DLG4: variants seen among roughly 807,000 people sequenced by gnomAD.
The protein encoded by DLG4 is discs large MAGUK scaffold protein 4.
DLG4 carries 7 observed loss-of-function variants against 93.8 expected under a neutral mutation model. That is an observed-to-expected ratio of 0.07 (90% confidence interval 0.04 to 0.14). The LOEUF (loss-of-function observed/expected upper bound fraction) is 0.14, where lower values mean the gene tolerates loss of function less well. Among genes scored for constraint, DLG4 ranks in the 10% least tolerant of loss-of-function variants. The pLI is 1.00. For missense variants in DLG4, 545 were observed against 992.9 expected (o/e 0.55, Z 6.06); for synonymous variants, 341 against 387.6 (o/e 0.88, Z 1.41).
rs1442666736 is a variant in DLG4, at chr17:7,190,691, C to T, written c.*17G>A. 3 of 1,610,030 alleles carry T rather than the reference C, an allele frequency of 1.9e-6. No individual in the cohort carries two copies. In the South Asian group the frequency reaches 3.3e-5, roughly 18 times the overall value. On this transcript the variant is annotated 3_prime_UTR_variant, in exon 20 of 20. Coordinates refer to ENST00000399506, the MANE Select transcript of DLG4 (RefSeq NM_001321075.3). ...GTGATGGAGGCAGGGCGAGTCCAGGCCAAGCCAGGGCAGGAATCAGAGTCT... is the reference window on the plus strand; with the variant it reads ...GTGATGGAGGCAGGGCGAGTCCAGGTCAAGCCAGGGCAGGAATCAGAGTCT...
In DLG4 at chr17:7,190,008, C is replaced by A; in HGVS notation, c.*700G>T. On this transcript the variant is annotated 3_prime_UTR_variant, in exon 20 of 20. Transcript: ENST00000399506. ...GGACACCCGACCCCCGACCCCTGCC[C>A]CCCACCCTCCCTCCCGCATTTCCCA... 1 of 136,802 alleles carries A rather than the reference C, an allele frequency of 7.3e-6. No individual in the cohort carries two copies. Among genetic ancestry groups the A allele is most frequent in the South Asian group, 2.5e-4 (1 of 3,986 alleles). 8.5% of individuals were successfully genotyped at this position (136,802 alleles called of 1,614,324 possible). A position where few individuals can be genotyped will look rare whatever the true frequency, so the allele number is the denominator to read the frequency against.
chr17:7,219,719 C>T, upstream of DLG4: 1 of 1,414,704 alleles, frequency 7.1e-7, no homozygotes, highest in Non-Finnish European at 9.2e-7. Flanking sequence ...TCCCATCACC[C>T]CGTCGGAGGA....
intron 8 of DLG4, among the ~76,000 whole-genome samples, chr17:7,202,290 C>G (rs2070180243): frequency 6.6e-6 from 1 of 152,098 alleles, no homozygotes; most frequent in Non-Finnish European, 1.5e-5. Context: ...TCTCAAATCC[C>G]TAGCTGGTCT....
upstream of DLG4, chr17:7,217,848 A>T (rs770277425): frequency 6.5e-7 from 1 of 1,530,070 alleles, no homozygotes. Context: ...AGAAGGAAGC[A>T]TCTATAGTTG....
In DLG4 at chr17:7,204,030, T is replaced by C; in HGVS notation, c.188A>G (p.Tyr63Cys). The change falls in exon 4 of 20, where the codon TAC becomes TGC. Residue 63 changes from tyrosine (Y) to cysteine (C), a missense_variant. Around this residue, in one of 5 missense-constraint regions of DLG4, gnomAD observed 49 missense variants for 80.4 expected, o/e 0.61. Transcript: ENST00000399506. ...QVNGTEGEME[Y>C]EEITLERGNS... ...CACCCTTTCCAATGTGATTTCCTCG[T>C]ATTCCATCTCCCCCTCGGTCCCGTT... 1 of 1,611,558 alleles carries C rather than the reference T, an allele frequency of 6.2e-7. No individual in the cohort carries two copies. The highest frequency in any genetic ancestry group is 8.5e-7 in the Non-Finnish European group (1 of 1,178,932).
chr17:7,190,487 C>A lies in DLG4; in HGVS notation c.*221G>T, dbSNP rs185380227. On this transcript the variant is annotated 3_prime_UTR_variant, in exon 20 of 20. Transcript: ENST00000399506. ...CTCGGAACAAGGAGCCCAGCTCCCC[C>A]CCAGACCCCAGGTTCCTGGCGTTCA... The A allele has an allele frequency of 1.1e-3, 605 of 558,422 alleles. 1 individual carries two copies. The highest frequency in any genetic ancestry group is 3.6e-3 in the East Asian group (119 of 33,432). 34.6% of individuals were successfully genotyped at this position (558,422 alleles called of 1,614,324 possible). A position where few individuals can be genotyped will look rare whatever the true frequency, so the allele number is the denominator to read the frequency against.
At position 7,217,163 on chromosome 17, in the gene DLG4, CGCG is replaced by C; in HGVS notation, c.-19_-17del. The C allele has an allele frequency of 1.6e-6, 2 of 1,287,536 alleles. No individual in the cohort carries two copies. Among genetic ancestry groups the C allele is most frequent in the Non-Finnish European group, 2.0e-6 (2 of 1,013,808 alleles). The allele number at this position is 1,287,536 out of a possible 1,614,324, so 79.8% of individuals were successfully genotyped here. A position where few individuals can be genotyped will look rare whatever the true frequency, so the allele number is the denominator to read the frequency against. ...GACAGTCCATGTTGGGGGGCCTGGC[CGCG>C]GCGGCGGGTAAGGGGCTCTGACTTC... On this transcript the variant is annotated 5_prime_UTR_variant, in exon 1 of 20. Coordinates refer to ENST00000399506, the MANE Select transcript of DLG4 (RefSeq NM_001321075.3).
Position 7,190,817 on chromosome 17 carries a change from G to A in DLG4, c.2069-3C>T, listed in dbSNP as rs2069447872. The A allele has an allele frequency of 6.2e-6, 10 of 1,613,178 alleles. No individual in the cohort carries two copies. Among genetic ancestry groups the A allele is most frequent in the Non-Finnish European group, 8.5e-6 (10 of 1,179,342 alleles). On this transcript the variant is annotated splice_polypyrimidine_tract_variant and splice_region_variant and intron_variant, in intron 19 of 19. Transcript: ENST00000399506. Reference sequence around the variant, plus strand: ...AAAGCTGTCACCCTCCACGATGGCTGGGAGTGGGGTGGAGCAGGGAGTGAG... The same window carrying A: ...AAAGCTGTCACCCTCCACGATGGCTAGGAGTGGGGTGGAGCAGGGAGTGAG...
In DLG4 at chr17:7,203,684, C is replaced by G. The variant is rs766179972; in HGVS notation, c.335+8G>C. 1.2e-6 allele frequency: 2 copies of G among 1,613,972 alleles called. No homozygotes were observed. The highest frequency in any genetic ancestry group is 1.1e-5 in the South Asian group (1 of 91,066). ...CCAAGCAACCTAACCCCTGTCTCCT[C>G]TCCCCACCTGAGGCGGCCATCCTGG... On this transcript the variant is annotated splice_region_variant and intron_variant, in intron 5 of 19. Coordinates refer to ENST00000399506, the MANE Select transcript of DLG4 (RefSeq NM_001321075.3). This position sits in a 1 kb window ranked among gnomAD's most constrained non-coding sequence, Gnocchi z 7.2.
In DLG4 at chr17:7,190,305, G is replaced by A. The variant is rs181496750; in HGVS notation, c.*403C>T. 521 of 248,302 alleles carry A rather than the reference G, an allele frequency of 2.1e-3. 3 individuals carry two copies. Among genetic ancestry groups the A allele is most frequent in the Non-Finnish European group, 2.5e-3 (313 of 124,264 alleles). The allele number at this position is 248,302 out of a possible 1,614,324, so 15.4% of individuals were successfully genotyped here. On this transcript the variant is annotated 3_prime_UTR_variant, in exon 20 of 20. Coordinates refer to ENST00000399506, the MANE Select transcript of DLG4 (RefSeq NM_001321075.3). ...CCCAGACCCTGCCTTAGGAGAGAGC[G>A]GAGGCCTGTGGCCCTGCATCCCTGC...
At chr17:7,212,095 A>G (rs772680194) in intron 1 of DLG4, among the ~76,000 whole-genome samples, 2 of 151,714 alleles carry the variant, frequency 1.3e-5, no homozygotes, top group Non-Finnish European at 2.9e-5. Context: ...CCATTCCAAA[A>G]CCTCACTGGA....
intron 1 of DLG4, among the ~76,000 whole-genome samples, chr17:7,215,427 A>G (rs555703264): frequency 6.6e-6 from 1 of 152,362 alleles, no homozygotes; most frequent in South Asian, 2.1e-4. Context: ...ACGTGTTGGA[A>G]GCAGAGCCCA....
chr17:7,217,672 T>TG (rs371507899), upstream of DLG4: 17,568 of 1,145,596 alleles, frequency 0.015, 96 homozygotes, highest in East Asian at 0.018. Flanking sequence ...GGAGCCAGAA[T>TG]GGGGGGGGTG....
intron 8 of DLG4, among the ~76,000 whole-genome samples, chr17:7,200,620 C>T (rs2070068872): frequency 6.6e-6 from 1 of 151,704 alleles, no homozygotes; most frequent in South Asian, 2.1e-4. Flanking sequence ...GATCTCAGCT[C>T]GCCGCAACCT....
chr17:7,201,950 A>C (rs1274485736), intron 8 of DLG4, among the ~76,000 whole-genome samples: 1 of 152,234 alleles, frequency 6.6e-6, no homozygotes, highest in Non-Finnish European at 1.5e-5. Context: ...ATCATTATAA[A>C]ATGTTTGTTA....
At chr17:7,199,491 G>A (rs955849677) in intron 8 of DLG4, among the ~76,000 whole-genome samples, 5 of 151,906 alleles carry the variant, frequency 3.3e-5, no homozygotes, top group Admixed American at 1.3e-4. Flanking sequence ...ATGAGCCACC[G>A]CGCCCAGCCA....
upstream of DLG4, chr17:7,219,800 A>C: frequency 2.0e-6 from 3 of 1,523,858 alleles, no homozygotes; most frequent in Non-Finnish European, 2.6e-6. Flanking sequence ...GATCCCTCTA[A>C]GTCAGCGGAA....
intron 1 of DLG4, among the ~76,000 whole-genome samples, chr17:7,215,005 C>G (rs2070849328): frequency 1.3e-5 from 2 of 152,162 alleles, no homozygotes; most frequent in African/African-American, 4.8e-5. Flanking sequence ...CACTCCCTAC[C>G]CCATCCAGCA....
rs35868661 is a variant in DLG4 at position 7,190,963 on chromosome 17, C to CTTTTTTTTTT, written c.2069-159_2069-150dup. 119 of 348,538 alleles carry CTTTTTTTTTT rather than the reference C, an allele frequency of 3.4e-4. 4 individuals carry two copies. In the African/African-American group the frequency reaches 3.5e-3, roughly 10 times the overall value. The allele number at this position is 348,538 out of a possible 1,614,324, so 21.6% of individuals were successfully genotyped here. A position where few individuals can be genotyped will look rare whatever the true frequency, so the allele number is the denominator to read the frequency against. The stretch of plus-strand genomic sequence containing the variant: ...GCTGCACCCGCCCACAGGGGCACCT[C>CTTTTTTTTTT]TTTTTTTTTTTTTTTTTTTTTTTTG... On this transcript the variant is annotated intron_variant, in intron 19 of 19. Transcript: ENST00000399506.
Sources: gnomAD v4.1 joint callset for allele counts (sites outside exome capture counted in the v4.1 genomes callset) on GRCh38, gnomAD v4.1.1 for gene constraint, gnomAD v4.1.1 regional missense constraint, Gnocchi (gnomAD v3.1) non-coding constraint, MANE v1.5 for transcripts, NCBI Gene and HGNC (gene_info 2026-07-23, HGNC 2026-07-21) for gene names.